CPQ: variants seen among roughly 807,000 people sequenced by gnomAD.
CPQ encodes the protein carboxypeptidase Q, also known as Ser-Met dipeptidase.
Under a neutral mutation model 45.7 loss-of-function variants are expected in CPQ, and 37 were observed. That is an observed-to-expected ratio of 0.81 (90% CI 0.62 to 1.07). The LOEUF (loss-of-function observed/expected upper bound fraction) is 1.07. Ranked by LOEUF, CPQ falls within the 50% of genes least tolerant of loss-of-function variation. The pLI, the probability that CPQ is intolerant of heterozygous loss-of-function variation, is 0.00. For missense variants in CPQ, 537 were observed against 572.9 expected (o/e 0.94, Z 0.64); for synonymous variants, 186 against 205.8 (o/e 0.90, Z 0.82).
chr8:97,005,974 C>A (rs962090659), intron 5 of CPQ, among the ~76,000 whole-genome samples: 11 of 152,154 alleles, frequency 7.2e-5, no homozygotes, highest in Non-Finnish European at 1.3e-4. Flanking sequence ...CTGACAGTAA[C>A]CACCAACATC....
chr8:96,777,445 T>C (rs1810619305), intron 1 of CPQ, among the ~76,000 whole-genome samples: 1 of 151,752 alleles, frequency 6.6e-6, no homozygotes, highest in Admixed American at 6.6e-5. Flanking sequence ...GAGGGAGAAT[T>C]CCTGTGATCT....
intron 7 of CPQ, among the ~76,000 whole-genome samples, chr8:97,093,633 C>G (rs1811161814): frequency 6.6e-6 from 1 of 152,104 alleles, no homozygotes; most frequent in Non-Finnish European, 1.5e-5. Context: ...AGTGGAGATT[C>G]ACTCACATTT....
At chr8:97,063,217 T>C (rs1810581491) in intron 6 of CPQ, among the ~76,000 whole-genome samples, 1 of 152,210 alleles carries the variant, frequency 6.6e-6, no homozygotes, top group African/African-American at 2.4e-5. Flanking sequence ...GATTTGCATT[T>C]CTCTAATGGT....
At chr8:96,875,023 C>G (rs1450191845) in intron 3 of CPQ, among the ~76,000 whole-genome samples, 1 of 151,806 alleles carries the variant, frequency 6.6e-6, no homozygotes, top group Non-Finnish European at 1.5e-5. Context: ...AATAGCCATC[C>G]TATTAGATGG....
chr8:96,685,208 A>AT (rs1809210300), intron 1 of CPQ, among the ~76,000 whole-genome samples: 1 of 151,902 alleles, frequency 6.6e-6, no homozygotes, highest in East Asian at 1.9e-4. Flanking sequence ...TTGTGTTTTG[A>AT]TTTTTTGTTA....
intron 2 of CPQ, among the ~76,000 whole-genome samples, chr8:96,788,179 A>G (rs1354058977): frequency 7.8e-6 from 1 of 128,512 alleles, no homozygotes; most frequent in Non-Finnish European, 1.6e-5. Context: ...TTTTTTTGAG[A>G]TGGAGTTTCA....
intron 3 of CPQ, among the ~76,000 whole-genome samples, chr8:96,874,026 A>C (rs956573609): frequency 2.0e-5 from 3 of 151,850 alleles, no homozygotes; most frequent in African/African-American, 7.2e-5. Flanking sequence ...TATGTAGATC[A>C]AAGGAAAATA....
At chr8:97,082,418 G>C (rs975275622) in intron 7 of CPQ, among the ~76,000 whole-genome samples, 1 of 152,104 alleles carries the variant, frequency 6.6e-6, no homozygotes, top group Admixed American at 6.6e-5. Context: ...CATTAAAACG[G>C]GGAGAAGGAG....
intron 6 of CPQ, among the ~76,000 whole-genome samples, chr8:97,042,471 G>C (rs1453116519): frequency 2.0e-5 from 3 of 151,868 alleles, no homozygotes; most frequent in Non-Finnish European, 4.4e-5. Context: ...AGGGTTTTTT[G>C]TGTCTCTATT....
intron 4 of CPQ, among the ~76,000 whole-genome samples, chr8:96,930,227 C>T (rs909977503): frequency 2.6e-5 from 4 of 152,202 alleles, no homozygotes; most frequent in African/African-American, 4.8e-5. Context: ...TGTTTCTTTT[C>T]GTCCAGCAGA....
intron 4 of CPQ, among the ~76,000 whole-genome samples, chr8:96,926,581 CTT>C (rs1586454658): frequency 3.0e-5 from 4 of 133,386 alleles, no homozygotes; most frequent in East Asian, 2.2e-4. Context: ...TCTTCCTCTT[CTT>C]CTTCTTCTTC....
chr8:96,744,061 G>C (rs575477848), intron 1 of CPQ, among the ~76,000 whole-genome samples: 1 of 152,092 alleles, frequency 6.6e-6, no homozygotes, highest in East Asian at 1.9e-4. Flanking sequence ...AATGGCGGGC[G>C]CCCCTCCCCC....
At chr8:97,003,385 C>G (rs1022647161) in intron 5 of CPQ, among the ~76,000 whole-genome samples, 2 of 151,976 alleles carry the variant, frequency 1.3e-5, no homozygotes, top group African/African-American at 2.4e-5. Flanking sequence ...TTTTGTAGTT[C>G]TAAACCCAAA....
At chr8:96,757,923 G>T (rs1474873492) in intron 1 of CPQ, among the ~76,000 whole-genome samples, 1 of 151,704 alleles carries the variant, frequency 6.6e-6, no homozygotes, top group African/African-American at 2.4e-5. Flanking sequence ...ATTATTTTTT[G>T]CTTCACTTGC....
intron 4 of CPQ, among the ~76,000 whole-genome samples, chr8:96,896,020 C>T (rs1240339569): frequency 1.3e-5 from 2 of 151,994 alleles, no homozygotes; most frequent in African/African-American, 4.8e-5. Flanking sequence ...TACTGTAAAT[C>T]TCCATTTGTG....
chr8:96,859,271 G>T (rs904615338), intron 3 of CPQ, among the ~76,000 whole-genome samples: 1 of 152,220 alleles, frequency 6.6e-6, no homozygotes, highest in Non-Finnish European at 1.5e-5. Context: ...AGCACTAAGA[G>T]ACTGCAGAAT....
At chr8:96,870,055 G>A (rs1389393363) in intron 3 of CPQ, among the ~76,000 whole-genome samples, 3 of 152,030 alleles carry the variant, frequency 2.0e-5, no homozygotes, top group African/African-American at 7.2e-5. Flanking sequence ...ATACAATGCT[G>A]AGTGATACTT....
chr8:97,120,670 G>T (rs1300382431), intron 7 of CPQ, among the ~76,000 whole-genome samples: 2 of 152,150 alleles, frequency 1.3e-5, no homozygotes, highest in Non-Finnish European at 2.9e-5. Flanking sequence ...ATGTGGCTTT[G>T]GTCAAAGTCT....
chr8:96,995,889 A>G (rs1809171504), intron 5 of CPQ, among the ~76,000 whole-genome samples: 1 of 152,014 alleles, frequency 6.6e-6, no homozygotes, highest in Admixed American at 6.6e-5. Context: ...GACTTTCTAG[A>G]TGGTAGCTGA....
Sources: allele counts gnomAD v4.1 joint callset (sites outside exome capture counted in the v4.1 genomes callset), GRCh38; gene constraint gnomAD v4.1.1; transcripts MANE v1.5; gene names NCBI Gene and HGNC (gene_info 2026-07-23, HGNC 2026-07-21).